EXOC6B: variants seen among roughly 807,000 people sequenced by gnomAD.
The protein encoded by EXOC6B is exocyst complex component 6B.
In EXOC6B, 54 loss-of-function variants were observed where a neutral mutation model predicts 113.5. The ratio of observed to expected loss-of-function variants is 0.48; its 90% confidence interval spans 0.38 to 0.60. The LOEUF (loss-of-function observed/expected upper bound fraction) is 0.60, where lower values mean the gene tolerates loss of function less well. Ranked by LOEUF, EXOC6B falls within the 20% of genes least tolerant of loss-of-function variation. The pLI is 0.00. For missense variants in EXOC6B, 797 were observed against 977.5 expected (o/e 0.82, Z 2.46); for synonymous variants, 357 against 339.0 (o/e 1.05, Z -0.58).
intron 7 of EXOC6B, among the ~76,000 whole-genome samples, chr2:72,563,010 C>T (rs1221516655): frequency 6.6e-6 from 1 of 152,174 alleles, no homozygotes; most frequent in African/African-American, 2.4e-5. Flanking sequence ...AGCATTAGTG[C>T]CTTTTGCCAG....
chr2:72,357,461 C>G (rs1690032685), intron 19 of EXOC6B, among the ~76,000 whole-genome samples: 1 of 151,966 alleles, frequency 6.6e-6, no homozygotes, highest in African/African-American at 2.4e-5. Context: ...AGAGGCAAGG[C>G]AGGTGGGTCA....
At chr2:72,658,793 T>C (rs568321009) in intron 6 of EXOC6B, among the ~76,000 whole-genome samples, 1 of 152,160 alleles carries the variant, frequency 6.6e-6, no homozygotes, top group South Asian at 2.1e-4. Flanking sequence ...TAATCAGGAG[T>C]TACTTTTAGA....
intron 18 of EXOC6B, among the ~76,000 whole-genome samples, chr2:72,406,511 C>A (rs1357840877): frequency 6.6e-6 from 1 of 152,162 alleles, no homozygotes; most frequent in Non-Finnish European, 1.5e-5. Flanking sequence ...GTCTCTCAGA[C>A]CACAGTGCAA....
chr2:72,717,867 A>G lies in EXOC6B; in HGVS notation c.669+236T>C, dbSNP rs988366447. Among the ~76,000 whole-genome samples the G allele has an allele frequency of 5.0e-4, 76 of 152,218 alleles. 1 individual carries two copies. Among genetic ancestry groups the G allele is most frequent in the African/African-American group, 1.8e-3 (73 of 41,464 alleles). On this transcript the variant is annotated intron_variant, in intron 6 of 21. Coordinates refer to ENST00000272427, the MANE Select transcript of EXOC6B (RefSeq NM_015189.3). ...GTAGAAAAATTTCTTCATAACCTCAATGTAAACCATCACAACTGATCAATA... is the reference window on the plus strand; with the variant it reads ...GTAGAAAAATTTCTTCATAACCTCAGTGTAAACCATCACAACTGATCAATA...
intron 8 of EXOC6B, among the ~76,000 whole-genome samples, chr2:72,532,201 C>T (rs556221900): frequency 5.3e-5 from 8 of 152,028 alleles, no homozygotes; most frequent in South Asian, 2.1e-4. Flanking sequence ...AAAACATAAA[C>T]GTTCTATGCA....
intron 19 of EXOC6B, among the ~76,000 whole-genome samples, chr2:72,343,913 C>T (rs1406745226): frequency 6.6e-6 from 1 of 152,048 alleles, no homozygotes; most frequent in Non-Finnish European, 1.5e-5. Flanking sequence ...TACAAAGAGT[C>T]TTGTAAGATC....
At chr2:72,236,313 G>A (rs1345350733) in intron 20 of EXOC6B, among the ~76,000 whole-genome samples, 1 of 152,118 alleles carries the variant, frequency 6.6e-6, no homozygotes, top group Non-Finnish European at 1.5e-5. Flanking sequence ...GAGATTAAAT[G>A]GTTTGAAATA....
At chr2:72,479,882 AT>A (rs886136981) in intron 17 of EXOC6B, among the ~76,000 whole-genome samples, 2 of 152,110 alleles carry the variant, frequency 1.3e-5, no homozygotes, top group African/African-American at 4.8e-5. Flanking sequence ...AGGGACAGAA[AT>A]TCCTCACTAA....
chr2:72,671,300 T>C (rs1304485863), intron 6 of EXOC6B, among the ~76,000 whole-genome samples: 4 of 152,020 alleles, frequency 2.6e-5, no homozygotes, highest in Non-Finnish European at 4.4e-5. Flanking sequence ...TATAAGGAGC[T>C]CAAACAACTC....
chr2:72,352,321 G>C (rs994610912), intron 19 of EXOC6B, among the ~76,000 whole-genome samples: 2 of 152,070 alleles, frequency 1.3e-5, no homozygotes, highest in Admixed American at 1.3e-4. Context: ...TCAACTACCA[G>C]CACAGAACAT....
chr2:72,432,607 T>A (rs181286966), intron 18 of EXOC6B, among the ~76,000 whole-genome samples: 12 of 152,314 alleles, frequency 7.9e-5, no homozygotes, highest in African/African-American at 2.9e-4. Flanking sequence ...GACTTCTTAA[T>A]GATCCCCATT....
At chr2:72,192,359 C>T (rs1340569783) in intron 20 of EXOC6B, among the ~76,000 whole-genome samples, 3 of 152,170 alleles carry the variant, frequency 2.0e-5, no homozygotes, top group Non-Finnish European at 4.4e-5. Flanking sequence ...TGGACCAAAC[C>T]TAAGCTCCTC....
At chr2:72,378,095 T>C (rs1691463523) in intron 19 of EXOC6B, among the ~76,000 whole-genome samples, 1 of 152,220 alleles carries the variant, frequency 6.6e-6, no homozygotes, top group Non-Finnish European at 1.5e-5. Context: ...AGAATTCCAA[T>C]GTTTCCATGT....
intron 1 of EXOC6B, among the ~76,000 whole-genome samples, chr2:72,810,553 C>A (rs1246724268): frequency 6.6e-6 from 1 of 151,522 alleles, no homozygotes; most frequent in Non-Finnish European, 1.5e-5. Context: ...CCACAAGAAC[C>A]TAGGAAGAAA....
At chr2:72,282,448 A>T (rs1685177774) in intron 20 of EXOC6B, among the ~76,000 whole-genome samples, 1 of 152,094 alleles carries the variant, frequency 6.6e-6, no homozygotes, top group Non-Finnish European at 1.5e-5. Flanking sequence ...AGAAAATAAA[A>T]GTAGAGCAAT....
At chr2:72,493,548 A>G (rs185956057) in intron 15 of EXOC6B, among the ~76,000 whole-genome samples, 1 of 152,028 alleles carries the variant, frequency 6.6e-6, no homozygotes, top group Non-Finnish European at 1.5e-5. Flanking sequence ...GCTGTTCTTT[A>G]TCGCCTGAAT....
intron 11 of EXOC6B, among the ~76,000 whole-genome samples, chr2:72,505,207 T>C (rs1236133620): frequency 6.6e-6 from 1 of 152,200 alleles, no homozygotes; most frequent in Non-Finnish European, 1.5e-5. Flanking sequence ...TTCTAAAAGA[T>C]TTATGGTTTT....
At chr2:72,389,931 G>A (rs1692266561) in intron 18 of EXOC6B, among the ~76,000 whole-genome samples, 1 of 151,994 alleles carries the variant, frequency 6.6e-6, no homozygotes, top group South Asian at 2.1e-4. Context: ...CGAGAAGGCA[G>A]TTAGACAAGA....
chr2:72,650,644 AAAG>A (rs1674097482), intron 6 of EXOC6B, among the ~76,000 whole-genome samples: 1 of 151,970 alleles, frequency 6.6e-6, no homozygotes. Context: ...AGAAAAGAAA[AAAG>A]AAAAGAAAAG....
Sources: gnomAD v4.1 joint callset for allele counts (sites outside exome capture counted in the v4.1 genomes callset) on GRCh38, gnomAD v4.1.1 for gene constraint, MANE v1.5 for transcripts, NCBI Gene and HGNC (gene_info 2026-07-23, HGNC 2026-07-21) for gene names.